STK32A: variants seen among roughly 807,000 people sequenced by gnomAD.
The protein encoded by STK32A is serine/threonine-protein kinase 32A.
A neutral mutation model predicts 53.2 loss-of-function variants in STK32A; 41 were observed. The observed-to-expected ratio is 0.77, with a 90% CI of 0.60 to 1.00. The LOEUF (loss-of-function observed/expected upper bound fraction) is 1.00, where lower values mean the gene tolerates loss of function less well. Among genes scored for constraint, STK32A ranks in the 50% least tolerant of loss-of-function variants. The probability of loss-of-function intolerance (pLI) is 0.00; values close to 1 mark genes in which losing one functional copy is unlikely to be tolerated. For missense variants in STK32A, 458 were observed against 485.8 expected (o/e 0.94, Z 0.54); for synonymous variants, 166 against 162.8 (o/e 1.02, Z -0.15).
At chr5:147,309,490 T>G (rs1212213001) in intron 4 of STK32A, among the ~76,000 whole-genome samples, 3 of 152,316 alleles carry the variant, frequency 2.0e-5, no homozygotes, top group Non-Finnish European at 2.9e-5. Context: ...TAGATTGCAC[T>G]TAATAGATCA....
At chr5:147,269,227 T>C (rs1318267580) in intron 2 of STK32A, among the ~76,000 whole-genome samples, 1 of 152,210 alleles carries the variant, frequency 6.6e-6, no homozygotes, top group Admixed American at 6.5e-5. Context: ...TGTTAGATGT[T>C]AGCTACTATG....
chr5:147,396,221 G>A, the STK32A span, among the ~76,000 whole-genome samples: 1 of 152,184 alleles, frequency 6.6e-6, no homozygotes, highest in South Asian at 2.1e-4. Flanking sequence ...ACACACCAGG[G>A]TGGGCAGGCC....
chr5:147,344,915 G>A (rs1755609191), intron 6 of STK32A, among the ~76,000 whole-genome samples: 1 of 152,092 alleles, frequency 6.6e-6, no homozygotes, highest in African/African-American at 2.4e-5. Flanking sequence ...CTCATCCATG[G>A]CTTCACCCTA....
intron 2 of STK32A, among the ~76,000 whole-genome samples, chr5:147,259,541 CTTT>C (rs58442395): frequency 4.1e-5 from 6 of 147,780 alleles, no homozygotes; most frequent in African/African-American, 1.2e-4. Flanking sequence ...TTTACCCTGG[CTTT>C]TTTTTTTTTA....
intron 4 of STK32A, among the ~76,000 whole-genome samples, chr5:147,313,569 A>C (rs189413554): frequency 6.6e-6 from 1 of 152,346 alleles, no homozygotes; most frequent in African/African-American, 2.4e-5. Flanking sequence ...TGATCTTAAA[A>C]TGTGTATAGA....
downstream of STK32A, among the ~76,000 whole-genome samples, chr5:147,389,114 C>T (rs1757737110): frequency 2.0e-5 from 3 of 152,136 alleles, no homozygotes; most frequent in South Asian, 2.1e-4. Flanking sequence ...CTCTATGCTC[C>T]TGTATCAAGG....
At chr5:147,293,325 T>C (rs1335963504) in intron 4 of STK32A, among the ~76,000 whole-genome samples, 8 of 152,062 alleles carry the variant, frequency 5.3e-5, no homozygotes, top group Admixed American at 5.2e-4. Flanking sequence ...CAGATATTAA[T>C]CATATTAATA....
intron 2 of STK32A, among the ~76,000 whole-genome samples, chr5:147,248,432 C>G (rs554352778): frequency 0.014 from 2,205 of 152,142 alleles, 64 homozygotes; most frequent in African/African-American, 0.051. Context: ...GTAAAATATG[C>G]TATTTTTGTA....
At chr5:147,266,426 T>C (rs548314039) in intron 2 of STK32A, among the ~76,000 whole-genome samples, 4 of 152,292 alleles carry the variant, frequency 2.6e-5, no homozygotes, top group Non-Finnish European at 5.9e-5. Context: ...TTGGTAAGAC[T>C]TTTCTTAGAA....
At chr5:147,358,014 G>A (rs1756333360) in intron 7 of STK32A, among the ~76,000 whole-genome samples, 1 of 151,308 alleles carries the variant, frequency 6.6e-6, no homozygotes, top group South Asian at 2.1e-4. Context: ...TTTTTTTCTT[G>A]TAGATGAAAT....
intron 4 of STK32A, among the ~76,000 whole-genome samples, chr5:147,316,791 G>A (rs1376018568): frequency 1.4e-5 from 2 of 147,548 alleles, no homozygotes; most frequent in East Asian, 4.0e-4. Context: ...GGAGTTCAAG[G>A]CTGCAGTGAA....
chr5:147,303,547 T>C (rs528377990), intron 4 of STK32A, among the ~76,000 whole-genome samples: 1 of 152,252 alleles, frequency 6.6e-6, no homozygotes, highest in South Asian at 2.1e-4. Flanking sequence ...GGTGTAGAAA[T>C]AGGCTCCACT....
intron 2 of STK32A, among the ~76,000 whole-genome samples, chr5:147,263,388 T>C (rs1453643063): frequency 6.6e-6 from 1 of 152,214 alleles, no homozygotes; most frequent in Non-Finnish European, 1.5e-5. Context: ...CACTTAAATA[T>C]GAGCAGACAA....
chr5:147,257,172 GT>G (rs532503573), intron 2 of STK32A, among the ~76,000 whole-genome samples: 2 of 151,664 alleles, frequency 1.3e-5, no homozygotes, highest in African/African-American at 4.8e-5. Context: ...ACAAAAACTG[GT>G]TGGGGCAATC....
chr5:147,290,946 C>T (rs1294759178), intron 4 of STK32A, among the ~76,000 whole-genome samples: 1 of 152,068 alleles, frequency 6.6e-6, no homozygotes, highest in Non-Finnish European at 1.5e-5. Flanking sequence ...CAAAAATTTA[C>T]ATTAAAATAA....
chr5:147,380,973 TTGTCCGA>T (rs1362500906), intron 11 of STK32A, among the ~76,000 whole-genome samples: 3 of 152,230 alleles, frequency 2.0e-5, no homozygotes, highest in African/African-American at 7.2e-5. Flanking sequence ...GCTTTCGTGA[TTGTCCGA>T]TGTATTTACA....
intron 4 of STK32A, among the ~76,000 whole-genome samples, chr5:147,304,620 C>G (rs1388359770): frequency 6.6e-6 from 1 of 152,108 alleles, no homozygotes; most frequent in East Asian, 1.9e-4. Context: ...ACATTGCTCT[C>G]TAATAGTTCT....
At chr5:147,270,763 G>C (rs1561682844) in intron 2 of STK32A, among the ~76,000 whole-genome samples, 1 of 152,182 alleles carries the variant, frequency 6.6e-6, no homozygotes, top group Non-Finnish European at 1.5e-5. Flanking sequence ...TCACTTGTCA[G>C]ATGAAGAACA....
Position 147,384,062 on chromosome 5 carries a change from T to C in STK32A, c.*79T>C. On this transcript the variant is annotated 3_prime_UTR_variant, in exon 13 of 13. Transcript: ENST00000397936. ...TATGTCAAGAAAAGCTGACAGTAGT[T>C]CTTGCCACTCCACACACCATGACTT... is the stretch of plus-strand genomic sequence containing the variant. 6.5e-7 allele frequency: 1 copy of C among 1,533,848 alleles called. No homozygotes were observed. The highest frequency in any genetic ancestry group is 2.4e-5 in the Admixed American group (1 of 40,870).
Sources: gnomAD v4.1 joint callset for allele counts (sites outside exome capture counted in the v4.1 genomes callset) on GRCh38, gnomAD v4.1.1 for gene constraint, MANE v1.5 for transcripts, NCBI Gene and HGNC (gene_info 2026-07-23, HGNC 2026-07-21) for gene names.